STX8: variants seen among roughly 807,000 people sequenced by gnomAD.
The protein encoded by STX8 is syntaxin 8, also known as syntaxin-8.
In STX8, 23 loss-of-function variants were observed where a neutral mutation model predicts 37.5. That is an observed-to-expected ratio of 0.61 (90% confidence interval 0.44 to 0.87). STX8 has a LOEUF of 0.87. Ranked by LOEUF, STX8 falls within the 40% of genes least tolerant of loss-of-function variation. The probability of loss-of-function intolerance (pLI) is 0.00; values close to 1 mark genes in which losing one functional copy is unlikely to be tolerated. For missense variants in STX8, 313 were observed against 284.7 expected (o/e 1.10, Z -0.71); for synonymous variants, 115 against 99.1 (o/e 1.16, Z -0.95).
intron 7 of STX8, among the ~76,000 whole-genome samples, chr17:9,370,456 C>T (rs539531723): frequency 5.9e-5 from 9 of 152,098 alleles, no homozygotes; most frequent in Non-Finnish European, 1.0e-4. Flanking sequence ...GACTGTCGGA[C>T]GCCACACCTG....
intron 7 of STX8, among the ~76,000 whole-genome samples, chr17:9,338,809 C>T (rs12942566): frequency 0.15 from 22,815 of 152,134 alleles, 1,921 homozygotes; most frequent in African/African-American, 0.21. Context: ...ACGTGGCTTA[C>T]GCCTGTAATC....
chr17:9,535,836 C>T (rs1328690619), intron 4 of STX8, among the ~76,000 whole-genome samples: 1 of 152,088 alleles, frequency 6.6e-6, no homozygotes, highest in Non-Finnish European at 1.5e-5. Context: ...ACAATACTCG[C>T]ATATATATAA....
At position 9,331,931 on chromosome 17, in the gene STX8, C is replaced by T. The variant is rs533046002; in HGVS notation, c.643+46621G>A. ...AAAGTGCAGAGGAATTCTTCATTCA[C>T]GGATCTGTAGAATACATTAATATCT... On this transcript the variant is annotated intron_variant, in intron 7 of 7. Transcript: ENST00000306357. Among the ~76,000 whole-genome samples the T allele has an allele frequency of 5.3e-5, 8 of 152,250 alleles. No homozygotes were observed. In the South Asian group the frequency reaches 1.2e-3, roughly 24 times the overall value.
chr17:9,518,299 C>T (rs1004032473), intron 4 of STX8, among the ~76,000 whole-genome samples: 1 of 141,972 alleles, frequency 7.0e-6, no homozygotes, highest in Non-Finnish European at 1.5e-5. Context: ...CAGGTCTTAC[C>T]AGACCCCTCC....
At chr17:9,523,041 G>C (rs1357175252) in intron 4 of STX8, among the ~76,000 whole-genome samples, 1 of 151,720 alleles carries the variant, frequency 6.6e-6, no homozygotes, top group Non-Finnish European at 1.5e-5. Flanking sequence ...AGCCAGGCTC[G>C]GTGGCTCTCA....
At chr17:9,465,709 AACG>A (rs1905583731) in intron 6 of STX8, among the ~76,000 whole-genome samples, 1 of 152,170 alleles carries the variant, frequency 6.6e-6, no homozygotes, top group Non-Finnish European at 1.5e-5. Context: ...TCACTCGAAC[AACG>A]ACGACAACAA....
chr17:9,448,640 T>G (rs1306265540), intron 6 of STX8, among the ~76,000 whole-genome samples: 1 of 151,598 alleles, frequency 6.6e-6, no homozygotes, highest in East Asian at 2.0e-4. Context: ...TCTATGTATA[T>G]AAAATAATAT....
intron 3 of STX8, among the ~76,000 whole-genome samples, chr17:9,548,837 A>G (rs1251757703): frequency 2.6e-5 from 4 of 152,156 alleles, no homozygotes; most frequent in Admixed American, 6.5e-5. Flanking sequence ...AAAAAATCCT[A>G]ACTATATATG....
chr17:9,268,705 G>C (rs1274459247), intron 7 of STX8, among the ~76,000 whole-genome samples: 1 of 152,180 alleles, frequency 6.6e-6, no homozygotes, highest in African/African-American at 2.4e-5. Context: ...CTCAGAGCCA[G>C]AACTGGTGCT....
chr17:9,395,181 G>A (rs1242205876), intron 6 of STX8, among the ~76,000 whole-genome samples: 2 of 151,898 alleles, frequency 1.3e-5, no homozygotes, highest in Non-Finnish European at 2.9e-5. Flanking sequence ...TATGTTTATA[G>A]CTCTTTATAG....
chr17:9,330,898 C>CA (rs142728656), intron 7 of STX8, among the ~76,000 whole-genome samples: 8,360 of 152,292 alleles, frequency 0.055, 745 homozygotes, highest in African/African-American at 0.19. Context: ...TTCAGAACTT[C>CA]AAAAACAGCC....
chr17:9,261,247 A>C (rs1310070845), intron 7 of STX8, among the ~76,000 whole-genome samples: 1 of 152,188 alleles, frequency 6.6e-6, no homozygotes, highest in African/African-American at 2.4e-5. Context: ...ACCGCATGTG[A>C]GACCTCACGG....
intron 4 of STX8, among the ~76,000 whole-genome samples, chr17:9,514,618 AAAAC>A (rs1439175179): frequency 6.6e-6 from 1 of 152,180 alleles, no homozygotes; most frequent in African/African-American, 2.4e-5. Context: ...AAACAAAACA[AAAAC>A]AAACAAAAAA....
chr17:9,288,895 G>T (rs1393053896), intron 7 of STX8, among the ~76,000 whole-genome samples: 1 of 152,130 alleles, frequency 6.6e-6, no homozygotes, highest in African/African-American at 2.4e-5. Flanking sequence ...ATAAGAAAAT[G>T]TTTTGAGAAC....
intron 6 of STX8, among the ~76,000 whole-genome samples, chr17:9,425,023 A>T (rs1489694421): frequency 3.3e-5 from 5 of 152,234 alleles, no homozygotes; most frequent in Non-Finnish European, 7.3e-5. Context: ...AAGATTCATG[A>T]ATGAGGCAGC....
At chr17:9,543,110 C>T (rs116796335) in intron 4 of STX8, among the ~76,000 whole-genome samples, 1,699 of 152,230 alleles carry the variant, frequency 0.011, 36 homozygotes, top group African/African-American at 0.038. Context: ...CATGACTATT[C>T]ATCACGACTG....
chr17:9,441,255 G>A (rs1224975203), intron 6 of STX8, among the ~76,000 whole-genome samples: 1 of 152,028 alleles, frequency 6.6e-6, no homozygotes, highest in Admixed American at 6.5e-5. Context: ...ACTTTGGGAG[G>A]CCAAGGCGGG....
chr17:9,554,356 G>A (rs965677630), intron 3 of STX8: 2 of 152,206 alleles, frequency 1.3e-5, no homozygotes, highest in Admixed American at 1.3e-4. Flanking sequence ...GTGACTTTCG[G>A]TGTAAAGTTT....
chr17:9,571,088 C>T (rs113386625), intron 1 of STX8, among the ~76,000 whole-genome samples: 2,263 of 152,222 alleles, frequency 0.015, 63 homozygotes, highest in African/African-American at 0.051. Context: ...CAAGGTTAGA[C>T]TTAAAGGAGA....
Sources: gnomAD v4.1 joint callset for allele counts (sites outside exome capture counted in the v4.1 genomes callset) on GRCh38, gnomAD v4.1.1 for gene constraint, MANE v1.5 for transcripts, NCBI Gene and HGNC (gene_info 2026-07-23, HGNC 2026-07-21) for gene names.